The following NPRL3 variants were observed in gnomAD, a reference collection of about 807,000 sequenced individuals.
NPRL3 encodes the protein NPR3 like, GATOR1 complex subunit, also known as GATOR1 complex protein NPRL3.
Under a neutral mutation model 57.2 loss-of-function variants are expected in NPRL3, and 23 were observed. The observed-to-expected ratio is 0.40, with a 90% CI of 0.29 to 0.57. The LOEUF (loss-of-function observed/expected upper bound fraction) is 0.57, where lower values mean the gene tolerates loss of function less well. Ranked by LOEUF, NPRL3 falls within the 20% of genes least tolerant of loss-of-function variation. NPRL3 has a pLI of 0.42. For synonymous variants in NPRL3, 333 were observed against 321.1 expected (o/e 1.04, Z -0.39); for missense variants, 691 against 767.1 (o/e 0.90, Z 1.17).
chr16:135,393 G>A (rs142201412), intron 2 of NPRL3, among the ~76,000 whole-genome samples: 1 of 152,248 alleles, frequency 6.6e-6, no homozygotes, highest in African/African-American at 2.4e-5. Flanking sequence ...GGCAGATCAC[G>A]AGGTCAGGAG....
At chr16:120,046 G>A (rs1010885344) in intron 3 of NPRL3, among the ~76,000 whole-genome samples, 9 of 152,176 alleles carry the variant, frequency 5.9e-5, no homozygotes, top group Non-Finnish European at 1.3e-4. Context: ...GGGAGATCTG[G>A]ATAAGGGAGT....
intron 2 of NPRL3, among the ~76,000 whole-genome samples, chr16:135,869 GA>G (rs1189633507): frequency 6.6e-6 from 1 of 151,386 alleles, no homozygotes; most frequent in African/African-American, 2.4e-5. Context: ...AATCTATAAG[GA>G]AAAAAAATCA....
At chr16:137,793 G>A (rs1901178940) in intron 2 of NPRL3, among the ~76,000 whole-genome samples, 1 of 151,900 alleles carries the variant, frequency 6.6e-6, no homozygotes, top group Non-Finnish European at 1.5e-5. Context: ...TCGAACTCCT[G>A]ACCTCAGGTG....
intron 2 of NPRL3, among the ~76,000 whole-genome samples, chr16:130,968 A>G (rs1434406857): frequency 6.6e-6 from 1 of 152,258 alleles, no homozygotes; most frequent in African/African-American, 2.4e-5. Context: ...ATGGCTGCAC[A>G]CTATAATGAA....
intron 2 of NPRL3, among the ~76,000 whole-genome samples, chr16:135,140 A>G (rs1901010994): frequency 6.6e-6 from 1 of 152,234 alleles, no homozygotes; most frequent in Admixed American, 6.5e-5. Context: ...TGAATTATTC[A>G]ATAAAATTAT....
intron 1 of NPRL3, 57 bp from the exon 2 acceptor site, chr16:138,391 AG>A: frequency 8.1e-6 from 4 of 492,634 alleles, no homozygotes; most frequent in South Asian, 7.0e-5. Flanking sequence ...GCGGGGACGC[AG>A]GGGGCCTGAG....
chr16:133,979 T>A (rs546838711), intron 2 of NPRL3, among the ~76,000 whole-genome samples: 1 of 152,220 alleles, frequency 6.6e-6, no homozygotes. Context: ...TGCTATCTTA[T>A]GTGGACATGG....
intron 13 of NPRL3, 31 bp downstream of exon 13, chr16:88,667 C>T: frequency 6.3e-7 from 1 of 1,580,538 alleles, no homozygotes; most frequent in Non-Finnish European, 8.6e-7. Flanking sequence ...CTGCAACTGG[C>T]CCCAGTCCCA....
intron 7 of NPRL3, among the ~76,000 whole-genome samples, chr16:107,969 C>G (rs540570465): frequency 6.6e-6 from 1 of 152,326 alleles, no homozygotes; most frequent in Non-Finnish European, 1.5e-5. Context: ...GTAATTCTCT[C>G]AACACAGAGA....
At chr16:127,443 C>T (rs1201991003) in intron 3 of NPRL3, among the ~76,000 whole-genome samples, 1 of 151,926 alleles carries the variant, frequency 6.6e-6, no homozygotes, top group African/African-American at 2.4e-5. Context: ...TCATGCTGTC[C>T]AGACTGTTCT....
intron 7 of NPRL3, among the ~76,000 whole-genome samples, chr16:101,242 G>C (rs1899288282): frequency 6.6e-6 from 1 of 152,166 alleles, no homozygotes; most frequent in African/African-American, 2.4e-5. Context: ...CGTCCAGGCA[G>C]AACAGTGGCT....
Position 138,522 on chromosome 16 carries a change from GGGCCT to G in NPRL3, c.-68+115_-68+119del, listed in dbSNP as rs1901247486. 1.1e-4 allele frequency: 4 copies of G among 35,554 alleles called. 1 individual carries two copies. Among genetic ancestry groups the G allele is most frequent in the Non-Finnish European group, 2.5e-4 (4 of 15,990 alleles). 2.2% of individuals were successfully genotyped at this position (35,554 alleles called of 1,614,324 possible). A position where few individuals can be genotyped will look rare whatever the true frequency, so the allele number is the denominator to read the frequency against. On this transcript the variant is annotated intron_variant, in intron 1 of 13. Coordinates refer to ENST00000611875, the MANE Select transcript of NPRL3 (RefSeq NM_001077350.3). ...AGGAGGGCAGGGGTGGAGGCGGAGG[GGGCCT>G]GAGTAGGGCAGGGGTGGAGGCGGAG...
At chr16:100,726 T>C (rs1899248711) in intron 7 of NPRL3, among the ~76,000 whole-genome samples, 1 of 150,198 alleles carries the variant, frequency 6.7e-6, no homozygotes, top group South Asian at 2.1e-4. Flanking sequence ...TCCCAGCACT[T>C]TGGGAGGCCA....
At position 117,259 on chromosome 16, in the gene NPRL3, T is replaced by C. The variant is rs371939311; in HGVS notation, c.393+42A>G. On this transcript the variant is annotated intron_variant, in intron 5 of 13. Coordinates refer to ENST00000611875, the MANE Select transcript of NPRL3 (RefSeq NM_001077350.3). ...TGGAAAAAAAGAGCTGCTTCTCCAC[T>C]GGCCCCACTCCCTGATCTTAACCAT... 259 of 1,386,282 alleles carry C rather than the reference T, an allele frequency of 1.9e-4. No individual in the cohort carries two copies. The African/African-American group carries it at 3.1e-3, about 17-fold the overall frequency. The allele number at this position is 1,386,282 out of a possible 1,614,324, so 85.9% of individuals were successfully genotyped here.
Position 138,321 on chromosome 16 carries a change from G to C in NPRL3, c.-54C>G. 1 of 875,966 alleles carries C rather than the reference G, an allele frequency of 1.1e-6. No homozygotes were observed. Among genetic ancestry groups the C allele is most frequent in the Non-Finnish European group, 1.4e-6 (1 of 698,414 alleles). The allele number at this position is 875,966 out of a possible 1,614,324, so 54.3% of individuals were successfully genotyped here. A position where few individuals can be genotyped will look rare whatever the true frequency, so the allele number is the denominator to read the frequency against. ...AGGGGGCCAGAGGAGGACGGAGCCGGAGGCGGAGGGGGCCTGAGGAGGACG... is the reference window on the plus strand; with the variant it reads ...AGGGGGCCAGAGGAGGACGGAGCCGCAGGCGGAGGGGGCCTGAGGAGGACG... On this transcript the variant is annotated 5_prime_UTR_variant, in exon 2 of 14. Transcript: ENST00000611875.
chr16:103,142 AT>A (rs993958109), intron 7 of NPRL3, among the ~76,000 whole-genome samples: 8 of 147,286 alleles, frequency 5.4e-5, no homozygotes, highest in Non-Finnish European at 7.5e-5. Flanking sequence ...TAAAAGGTCT[AT>A]TTTTTTTTTC....
At chr16:117,956 G>A (rs1900118164) in intron 4 of NPRL3, among the ~76,000 whole-genome samples, 1 of 152,218 alleles carries the variant, frequency 6.6e-6, no homozygotes, top group Non-Finnish European at 1.5e-5. Flanking sequence ...GGGGCCCCAG[G>A]CTGCCCTGGC....
rs1040571829 is a variant in NPRL3, at chr16:93,251, G to T, written c.999C>A (p.Val333=). 4 of 1,558,934 alleles carry T rather than the reference G, an allele frequency of 2.6e-6. No homozygotes were observed. The Admixed American group carries it at 7.7e-5, about 30-fold the overall frequency. Residue 333 remains valine (V), a synonymous_variant, in exon 10 of 14, where the codon GTC becomes GTA. Coordinates refer to ENST00000611875, the MANE Select transcript of NPRL3 (RefSeq NM_001077350.3). ...CGCTGGCATTGGGAGACAGCATGTAGACGTTGTTCTCACACAGCGGGTAGA... is the reference window on the plus strand; with the variant it reads ...CGCTGGCATTGGGAGACAGCATGTATACGTTGTTCTCACACAGCGGGTAGA... ...IIIYPLCENN[V]YMLSPNASVC...
chr16:105,622 A>G (rs552166037), intron 7 of NPRL3, among the ~76,000 whole-genome samples: 1 of 152,230 alleles, frequency 6.6e-6, no homozygotes, highest in East Asian at 1.9e-4. Flanking sequence ...ATCACTCCCC[A>G]CCACAGGTCC....
Sources: gnomAD v4.1 joint callset for allele counts (sites outside exome capture counted in the v4.1 genomes callset) on GRCh38, gnomAD v4.1.1 for gene constraint, MANE v1.5 for transcripts, NCBI Gene and HGNC (gene_info 2026-07-23, HGNC 2026-07-21) for gene names.